BRD9: variants seen among roughly 807,000 people sequenced by gnomAD.
The protein encoded by BRD9 is bromodomain containing 9.
In BRD9, 47 loss-of-function variants were observed where a neutral mutation model predicts 68.7. That is an observed-to-expected ratio of 0.68 (90% CI 0.54 to 0.87). The LOEUF is 0.87. Ranked by LOEUF, BRD9 falls within the 40% of genes least tolerant of loss-of-function variation. The pLI, the probability that BRD9 is intolerant of heterozygous loss-of-function variation, is 0.00. For missense variants in BRD9, 670 were observed against 748.4 expected (o/e 0.90, Z 1.22); for synonymous variants, 313 against 293.9 (o/e 1.06, Z -0.67).
At chr5:890,489 G>A (rs1437404385) in intron 3 of BRD9, among the ~76,000 whole-genome samples, 1 of 152,176 alleles carries the variant, frequency 6.6e-6, no homozygotes, top group Non-Finnish European at 1.5e-5. Context: ...GAAGGCTGGG[G>A]ACAAAGAGAA....
At chr5:869,509 C>A in intron 14 of BRD9, 1 of 365,086 alleles carries the variant, frequency 2.7e-6, no homozygotes, top group African/African-American at 2.3e-5. Flanking sequence ...ATCTCCTGCC[C>A]CTTCCAAGTC....
At chr5:883,770 G>A in intron 8 of BRD9, 168 bp downstream of exon 8, 1 of 977,460 alleles carries the variant, frequency 1.0e-6, no homozygotes. Context: ...GACCCCGACT[G>A]AAGAGACCAG....
chr5:892,672 C>T lies in BRD9; in HGVS notation c.-15G>A, dbSNP rs1263839929. On this transcript the variant is annotated 5_prime_UTR_variant, in exon 1 of 16. Transcript: ENST00000467963. ...TTCTTGCCCATGGCGGCGCCGGCGG[C>T]GGGCCCGAGGCGGGGGCTGGGAACA... 3 of 1,406,350 alleles carry T rather than the reference C, an allele frequency of 2.1e-6. No homozygotes were observed. Among genetic ancestry groups the T allele is most frequent in the Non-Finnish European group, 2.8e-6 (3 of 1,078,590 alleles). The allele number at this position is 1,406,350 out of a possible 1,614,324, so 87.1% of individuals were successfully genotyped here. A position where few individuals can be genotyped will look rare whatever the true frequency, so the allele number is the denominator to read the frequency against.
chr5:865,429 C>T lies in BRD9; in HGVS notation c.1678G>A (p.Asp560Asn). ...GGCATCTCACCCAGGTGGTGCTGGT[C>T]CCTCTCGGAGGCGTTGGACAGGGAG... ...LSSLSNASER[D>N]QHHLGSPSRL... The change falls in exon 15 of 16, where the codon GAC (aspartate) becomes AAC (asparagine). Residue 560 changes from aspartate to asparagine, a missense_variant. Coordinates refer to ENST00000467963, the MANE Select transcript of BRD9 (RefSeq NM_023924.5). 1 of 1,582,492 alleles carries T rather than the reference C, an allele frequency of 6.3e-7. No homozygotes were observed. Among genetic ancestry groups the T allele is most frequent in the South Asian group, 1.1e-5 (1 of 89,920 alleles).
At chr5:874,608 G>C (rs966203484) in intron 12 of BRD9, among the ~76,000 whole-genome samples, 1 of 152,182 alleles carries the variant, frequency 6.6e-6, no homozygotes, top group African/African-American at 2.4e-5. Context: ...CGGCAGAGGC[G>C]ACAGACTCAG....
At chr5:877,697 T>C (rs770120996) in intron 11 of BRD9, among the ~76,000 whole-genome samples, 2 of 152,216 alleles carry the variant, frequency 1.3e-5, no homozygotes, top group Admixed American at 6.5e-5. Flanking sequence ...ATGGCCTGAA[T>C]TGTATCTCCC....
chr5:887,725 T>C (rs879312108), intron 5 of BRD9, among the ~76,000 whole-genome samples: 1 of 152,192 alleles, frequency 6.6e-6, no homozygotes, highest in Non-Finnish European at 1.5e-5. Flanking sequence ...CACATACAAA[T>C]GCTGTGTGAG....
chr5:876,946 A>T (rs1751036150), intron 11 of BRD9, among the ~76,000 whole-genome samples: 1 of 152,198 alleles, frequency 6.6e-6, no homozygotes, highest in Admixed American at 6.5e-5. Context: ...GGGGCAGAGG[A>T]TCTGGGTGTC....
At chr5:869,514 C>CAAGTCTCTTCCTGA (rs150169759) in intron 14 of BRD9, 6,620 of 367,434 alleles carry the variant, frequency 0.018, 386 homozygotes, top group African/African-American at 0.12. Flanking sequence ...CTGCCCCTTC[C>CAAGTCTCTTCCTGA]AAGTCTCTTC....
At chr5:871,482 G>C in intron 13 of BRD9, 44 bp downstream of exon 13, 1 of 1,588,908 alleles carries the variant, frequency 6.3e-7, no homozygotes. Context: ...AACTTTCCCT[G>C]TGAGAATAAT....
Position 877,123 on chromosome 5 carries a change from G to T in BRD9, c.1272-911C>A, listed in dbSNP as rs985455988. ...AGGGACAGACAGCTGGGGAAGGCGG[G>T]GGGTGTGCACAGTCCACTGATGTGC... On this transcript the variant is annotated intron_variant, in intron 11 of 15. Transcript: ENST00000467963. Among the ~76,000 whole-genome samples, 4 of 152,200 alleles carry T rather than the reference G, an allele frequency of 2.6e-5. No homozygotes were observed. In the South Asian group the frequency reaches 8.3e-4, roughly 32 times the overall value.
chr5:886,111 G>A (rs10040781), intron 7 of BRD9, among the ~76,000 whole-genome samples: 11,403 of 152,164 alleles, frequency 0.075, 610 homozygotes, highest in African/African-American at 0.15. Context: ...CCTGACCACA[G>A]GCCTGCACCT....
At chr5:885,136 C>A (rs1490138124) in intron 7 of BRD9, among the ~76,000 whole-genome samples, 1 of 152,248 alleles carries the variant, frequency 6.6e-6, no homozygotes, top group African/African-American at 2.4e-5. Flanking sequence ...GAAACCCCGA[C>A]CCCTGAAGGC....
intron 12 of BRD9, among the ~76,000 whole-genome samples, chr5:874,347 T>C (rs1338064417): frequency 6.6e-6 from 1 of 152,274 alleles, no homozygotes; most frequent in East Asian, 1.9e-4. Flanking sequence ...TGAAGATGTT[T>C]TTATTCCAAC....
chr5:883,888 G>C (rs982341376), intron 8 of BRD9, 50 bp downstream of exon 8: 4 of 1,588,122 alleles, frequency 2.5e-6, no homozygotes, highest in South Asian at 2.2e-5. Context: ...GAGGCACACA[G>C]AGAGTCTGGG....
intron 12 of BRD9, among the ~76,000 whole-genome samples, chr5:874,246 C>A (rs1312200666): frequency 6.6e-6 from 1 of 152,226 alleles, no homozygotes; most frequent in East Asian, 1.9e-4. Context: ...CAGGTGCATG[C>A]CACCATACCC....
intron 8 of BRD9, chr5:883,553 T>C (rs1314072235): frequency 2.3e-5 from 9 of 393,278 alleles, no homozygotes; most frequent in South Asian, 1.2e-4. Context: ...TTATGGACCA[T>C]CTGTCGGATC....
chr5:891,552 C>T lies in BRD9; in HGVS notation c.267+88G>A, dbSNP rs1753403628. On this transcript the variant is annotated intron_variant, in intron 2 of 15. Coordinates refer to ENST00000467963, the MANE Select transcript of BRD9 (RefSeq NM_023924.5). ...AACACCCCCTCCCCTCCTCCAGCCA[C>T]GCAGGCGCACTCTGCCTGGGTCCTG... 25 of 1,494,156 alleles carry T rather than the reference C, an allele frequency of 1.7e-5. No homozygotes were observed. In the South Asian group the frequency reaches 3.2e-4, roughly 19 times the overall value. The allele number at this position is 1,494,156 out of a possible 1,614,324, so 92.6% of individuals were successfully genotyped here.
chr5:865,425 T>A lies in BRD9; in HGVS notation c.1682A>T (p.Gln561Leu). The change falls in exon 15 of 16, where the codon CAG becomes CTG. Residue 561 changes from glutamine to leucine, a missense_variant. Physicochemically the swap from Gln to Leu is moderately radical, Grantham distance 113. Transcript: ENST00000467963. ...TGGGGGCATCTCACCCAGGTGGTGC[T>A]GGTCCCTCTCGGAGGCGTTGGACAG... The part of the protein sequence containing the change: ...SSLSNASERD[Q>L]HHLGSPSRLS... The A allele has an allele frequency of 6.3e-7, 1 of 1,581,906 alleles. No individual in the cohort carries two copies. The highest frequency in any genetic ancestry group is 8.6e-7 in the Non-Finnish European group (1 of 1,160,286).
Sources: allele counts gnomAD v4.1 joint callset (sites outside exome capture counted in the v4.1 genomes callset), GRCh38; gene constraint gnomAD v4.1.1; transcripts MANE v1.5; gene names NCBI Gene and HGNC (gene_info 2026-07-23, HGNC 2026-07-21).